Variants in SUPT3H observed in about 807,000 individuals in gnomAD.
SUPT3H encodes SPT3 homolog, SAGA and STAGA complex component.
SUPT3H carries 44 observed loss-of-function variants against 44.3 expected under a neutral mutation model. That is an observed-to-expected ratio of 0.99 (90% CI 0.78 to 1.28). SUPT3H has a LOEUF of 1.28. Among genes scored for constraint, SUPT3H ranks in the 50% most tolerant of loss-of-function variants. SUPT3H has a pLI of 0.00. For synonymous variants in SUPT3H, 124 were observed against 125.6 expected (o/e 0.99, Z 0.09); for missense variants, 380 against 387.1 (o/e 0.98, Z 0.15).
rs1767551309 is a variant in SUPT3H at position 45,229,438 on chromosome 6, CT to C, written c.102-123433del. ...GAAATAGGAGTATGAGCCATGTATT[CT>C]ACTATAGCAAAATACTAAAATAAAA... On this transcript the variant is annotated intron_variant, in intron 2 of 10. Coordinates refer to ENST00000371459, the MANE Select transcript of SUPT3H (RefSeq NM_003599.4). Among the ~76,000 whole-genome samples the C allele has an allele frequency of 2.0e-5, 3 of 152,034 alleles. 1 individual carries two copies. The South Asian group carries it at 6.2e-4, about 32-fold the overall frequency.
intron 3 of SUPT3H, chr6:45,099,252 A>T (rs903156359): frequency 5.1e-6 from 1 of 194,692 alleles, no homozygotes; most frequent in Non-Finnish European, 1.1e-5. Context: ...GCCAGAAAAC[A>T]TAGGAAACCC....
At position 45,105,947 on chromosome 6, in the gene SUPT3H, A is replaced by G; in HGVS notation, c.161T>C (p.Val54Ala). 1 of 1,613,728 alleles carries G rather than the reference A, an allele frequency of 6.2e-7. No homozygotes were observed. The highest frequency in any genetic ancestry group is 8.5e-7 in the Non-Finnish European group (1 of 1,179,792). ...CAGATTAATTAACTGAGTGTGTACC[A>G]CATCTTCTACCAAAACTGCTGTTTC... ...LHETAVLVED[V>A]VHTQLINLLQ... The change falls in exon 3 of 11, where the codon GTG (valine) becomes GCG (alanine). Residue 54 changes from valine (V) to alanine (A), a missense_variant. Val to Ala is a moderately conservative substitution (Grantham distance 64). Transcript: ENST00000371459.
chr6:45,211,199 T>TA (rs957323617), intron 2 of SUPT3H, among the ~76,000 whole-genome samples: 3 of 152,300 alleles, frequency 2.0e-5, no homozygotes, highest in African/African-American at 7.2e-5. Flanking sequence ...CTTACATGGT[T>TA]AAAAAATCTA....
chr6:44,912,979 A>C (rs1582454348), intron 10 of SUPT3H, among the ~76,000 whole-genome samples: 2 of 152,296 alleles, frequency 1.3e-5, no homozygotes, highest in East Asian at 3.9e-4. Flanking sequence ...CCTTCTTCCC[A>C]AGAAAATGTG....
At chr6:45,321,746 T>G (rs1562950450) in intron 2 of SUPT3H, 17 of 1,308,372 alleles carry the variant, frequency 1.3e-5, no homozygotes, top group Non-Finnish European at 1.9e-5. Flanking sequence ...CTTCTACCCA[T>G]AAACTTGTTC....
At chr6:45,322,297 G>A (rs1265466505) in intron 2 of SUPT3H, among the ~76,000 whole-genome samples, 1 of 151,580 alleles carries the variant, frequency 6.6e-6, no homozygotes, top group Non-Finnish European at 1.5e-5. Context: ...TAGTTTCAAT[G>A]CTTTCAAGCT....
At chr6:44,962,074 A>G (rs1317965053) in intron 6 of SUPT3H, among the ~76,000 whole-genome samples, 2 of 152,166 alleles carry the variant, frequency 1.3e-5, no homozygotes, top group Non-Finnish European at 2.9e-5. Flanking sequence ...AAACTAAAGG[A>G]CCTCACGTCT....
chr6:45,152,179 C>A (rs1331255551), intron 2 of SUPT3H, among the ~76,000 whole-genome samples: 1 of 152,112 alleles, frequency 6.6e-6, no homozygotes, highest in East Asian at 1.9e-4. Context: ...TCTTAATTTT[C>A]TTCTCCAAAA....
intron 10 of SUPT3H, among the ~76,000 whole-genome samples, chr6:44,885,292 TG>T (rs1237890222): frequency 2.0e-5 from 3 of 152,188 alleles, no homozygotes; most frequent in Admixed American, 1.3e-4. Context: ...GCTGGAGATC[TG>T]AGAACGGGCA....
At chr6:45,290,401 C>A (rs1323488160) in intron 2 of SUPT3H, among the ~76,000 whole-genome samples, 1 of 145,240 alleles carries the variant, frequency 6.9e-6, no homozygotes, top group Non-Finnish European at 1.5e-5. Flanking sequence ...GTCTGAACTG[C>A]ACTGTCATAG....
At chr6:45,182,558 G>A (rs1813471416) in intron 2 of SUPT3H, among the ~76,000 whole-genome samples, 1 of 152,160 alleles carries the variant, frequency 6.6e-6, no homozygotes, top group Non-Finnish European at 1.5e-5. Context: ...CACCGCACCT[G>A]GCCTGCCTTT....
At chr6:45,006,096 T>C (rs927766048) in intron 5 of SUPT3H, among the ~76,000 whole-genome samples, 14 of 152,090 alleles carry the variant, frequency 9.2e-5, no homozygotes, top group African/African-American at 3.4e-4. Context: ...TTGTTCTGTT[T>C]GGGCTTTTAA....
chr6:45,314,670 C>T (rs1784439059), intron 2 of SUPT3H, among the ~76,000 whole-genome samples: 1 of 152,160 alleles, frequency 6.6e-6, no homozygotes, highest in Non-Finnish European at 1.5e-5. Context: ...ACATCCTATG[C>T]TCACGGATGG....
intron 3 of SUPT3H, among the ~76,000 whole-genome samples, chr6:45,089,980 C>A (rs1056999305): frequency 6.6e-6 from 1 of 152,050 alleles, no homozygotes; most frequent in African/African-American, 2.4e-5. Flanking sequence ...TTTTTCATCA[C>A]CTTTCTCCAT....
At chr6:44,924,109 A>T (rs1252424580) in intron 10 of SUPT3H, among the ~76,000 whole-genome samples, 1 of 152,148 alleles carries the variant, frequency 6.6e-6, no homozygotes. Flanking sequence ...ATGCTGGATA[A>T]GAAATCCATA....
At position 45,260,986 on chromosome 6, in the gene SUPT3H, A is replaced by G. The variant is rs62400292; in HGVS notation, c.101+104215T>C. 1.8e-3 allele frequency among the ~76,000 whole-genome samples: 280 copies of G among 152,240 alleles called. 1 individual carries two copies. Among genetic ancestry groups the G allele is most frequent in the Non-Finnish European group, 3.1e-3 (213 of 67,988 alleles). ...ACTGCCCACAGTATACTACTTGCACACCACCAGATAGGCCAGCTGATGTTT... is the reference window on the plus strand; with the variant it reads ...ACTGCCCACAGTATACTACTTGCACGCCACCAGATAGGCCAGCTGATGTTT... On this transcript the variant is annotated intron_variant, in intron 2 of 10. Coordinates refer to ENST00000371459, the MANE Select transcript of SUPT3H (RefSeq NM_003599.4).
At chr6:44,880,474 G>A (rs933762348) in intron 10 of SUPT3H, among the ~76,000 whole-genome samples, 1 of 152,086 alleles carries the variant, frequency 6.6e-6, no homozygotes, top group Non-Finnish European at 1.5e-5. Context: ...AAAGTGACGG[G>A]GAGAATGGAA....
Position 45,003,924 on chromosome 6 carries a change from T to G in SUPT3H, c.365-132A>C, listed in dbSNP as rs147609540. On this transcript the variant is annotated intron_variant, in intron 5 of 10. Coordinates refer to ENST00000371459, the MANE Select transcript of SUPT3H (RefSeq NM_003599.4). ...TCTCTGAAAATAATCTTTTAAAAAA[T>G]TCTTGCATTCAAAATAAAAGTATAA... is the stretch of plus-strand genomic sequence containing the variant. The G allele has an allele frequency of 4.0e-4, 411 of 1,015,708 alleles. 3 individuals are homozygous for G. In the African/African-American group the frequency reaches 5.7e-3, roughly 14 times the overall value. 62.9% of individuals were successfully genotyped at this position (1,015,708 alleles called of 1,614,324 possible).
At chr6:45,034,157 T>G (rs1008312761) in intron 3 of SUPT3H, among the ~76,000 whole-genome samples, 5 of 151,970 alleles carry the variant, frequency 3.3e-5, no homozygotes, top group Admixed American at 1.3e-4. Context: ...TACCTCCTCC[T>G]CCTCCAACAG....
Sources: gnomAD v4.1 joint callset for allele counts (sites outside exome capture counted in the v4.1 genomes callset) on GRCh38, gnomAD v4.1.1 for gene constraint, MANE v1.5 for transcripts, NCBI Gene and HGNC (gene_info 2026-07-23, HGNC 2026-07-21) for gene names.